TBL1XR1: variants seen among roughly 807,000 people sequenced by gnomAD.
TBL1XR1 encodes the protein TBL1X/Y related 1.
TBL1XR1 carries 5 observed loss-of-function variants against 66.9 expected under a neutral mutation model. That is an observed-to-expected ratio of 0.07 (90% CI 0.04 to 0.16). The LOEUF is 0.16. Ranked by LOEUF, TBL1XR1 falls within the 10% of genes least tolerant of loss-of-function variation. TBL1XR1 has a pLI of 1.00. For synonymous variants in TBL1XR1, 210 were observed against 206.0 expected (o/e 1.02, Z -0.17); for missense variants, 238 against 623.2 (o/e 0.38, Z 6.58).
chr3:177,100,613 C>T (rs200984262), intron 1 of TBL1XR1, among the ~76,000 whole-genome samples: 4 of 152,014 alleles, frequency 2.6e-5, no homozygotes, highest in Middle Eastern at 3.4e-3. Context: ...TTAGTAGAGA[C>T]GGGGTTTCAC....
At position 177,181,045 on chromosome 3, in the gene TBL1XR1, TA is replaced by T. The variant is rs1193427979; in HGVS notation, c.-122+16075del. On this transcript the variant is annotated intron_variant, in intron 1 of 15. Transcript: ENST00000457928. ...CCATGGCACTGGACCCCAGACCCGC[TA>T]TCCTGGATATTTTCATCAGTGAGCT... Among the ~76,000 whole-genome samples the T allele has an allele frequency of 2.6e-5, 4 of 152,154 alleles. No individual in the cohort carries two copies. In the East Asian group the frequency reaches 7.7e-4, roughly 29 times the overall value.
At chr3:177,051,861 A>T (rs2108497885) in intron 4 of TBL1XR1, 135 bp from the exon 5 acceptor site, 1 of 1,137,322 alleles carries the variant, frequency 8.8e-7, no homozygotes, top group Middle Eastern at 2.1e-4. Flanking sequence ...GAATTCATAT[A>T]AGAAGTCCGG....
intron 1 of TBL1XR1, among the ~76,000 whole-genome samples, chr3:177,187,588 G>A (rs927938254): frequency 2.6e-5 from 4 of 152,012 alleles, no homozygotes; most frequent in Non-Finnish European, 4.4e-5. Flanking sequence ...ATACTTGTTT[G>A]CTTAATATTA....
In TBL1XR1 at chr3:177,144,159, C is replaced by T. The variant is rs117583752; in HGVS notation, c.-121-45618G>A. Among the ~76,000 whole-genome samples, 11 of 152,126 alleles carry T rather than the reference C, an allele frequency of 7.2e-5. No homozygotes were observed. The East Asian group carries it at 1.9e-3, about 27-fold the overall frequency. ...ACTCAGGAGGCTGGGGCACGAAAAT[C>T]GCTTGAACCCCGGGAGGCGGAGGTT... On this transcript the variant is annotated intron_variant, in intron 1 of 15. Coordinates refer to ENST00000457928, the MANE Select transcript of TBL1XR1 (RefSeq NM_024665.7).
intron 1 of TBL1XR1, among the ~76,000 whole-genome samples, chr3:177,130,386 AAAAAC>A (rs1397925074): frequency 6.6e-6 from 1 of 152,196 alleles, no homozygotes; most frequent in African/African-American, 2.4e-5. Context: ...CAACAACAAC[AAAAAC>A]AAAACAAGAA....
intron 1 of TBL1XR1, chr3:177,136,173 A>G (rs1728973564): frequency 6.6e-6 from 1 of 152,136 alleles, no homozygotes; most frequent in Admixed American, 6.5e-5. Context: ...CATGAAACTA[A>G]TTTCAGTTTT....
chr3:177,110,491 G>T (rs1014468212), intron 1 of TBL1XR1, among the ~76,000 whole-genome samples: 5 of 151,980 alleles, frequency 3.3e-5, no homozygotes, highest in African/African-American at 4.8e-5. Flanking sequence ...ACCTGGTCTT[G>T]GTTTTGTGGT....
At chr3:177,147,600 C>T (rs776002246) in intron 1 of TBL1XR1, among the ~76,000 whole-genome samples, 3 of 152,212 alleles carry the variant, frequency 2.0e-5, no homozygotes, top group Non-Finnish European at 4.4e-5. Context: ...TGGCTACAGG[C>T]ATCTTCTTCA....
At chr3:177,049,547 C>T (rs1190361799) in intron 7 of TBL1XR1, among the ~76,000 whole-genome samples, 1 of 152,144 alleles carries the variant, frequency 6.6e-6, no homozygotes, top group Non-Finnish European at 1.5e-5. Flanking sequence ...TAATAAAGTT[C>T]TACCAGTTCA....
intron 2 of TBL1XR1, among the ~76,000 whole-genome samples, chr3:177,069,105 A>G (rs1719540055): frequency 6.6e-6 from 1 of 152,196 alleles, no homozygotes; most frequent in African/African-American, 2.4e-5. Flanking sequence ...TCTCTGTGTC[A>G]TCTATAAAAT....
intron 3 of TBL1XR1, among the ~76,000 whole-genome samples, chr3:177,062,924 C>T (rs146915014): frequency 4.6e-5 from 7 of 152,040 alleles, no homozygotes; most frequent in East Asian, 1.9e-4. Context: ...CACCTAAGGT[C>T]GGGAGTTTGG....
chr3:177,110,109 T>A (rs1725376022), intron 1 of TBL1XR1, among the ~76,000 whole-genome samples: 1 of 152,224 alleles, frequency 6.6e-6, no homozygotes, highest in Non-Finnish European at 1.5e-5. Context: ...TCAGGCATTA[T>A]AATTGACATG....
intron 10 of TBL1XR1, among the ~76,000 whole-genome samples, chr3:177,040,236 G>A (rs1395222931): frequency 6.6e-6 from 1 of 152,156 alleles, no homozygotes; most frequent in African/African-American, 2.4e-5. Flanking sequence ...GACTGCTTGA[G>A]CTGGGGAGGC....
At chr3:177,179,744 G>T (rs538843651) in intron 1 of TBL1XR1, among the ~76,000 whole-genome samples, 2 of 152,232 alleles carry the variant, frequency 1.3e-5, no homozygotes, top group East Asian at 1.9e-4. Flanking sequence ...GTTCTCACTT[G>T]TAACAAGTCA....
intron 2 of TBL1XR1, among the ~76,000 whole-genome samples, chr3:177,086,615 T>A (rs1722157113): frequency 6.6e-6 from 1 of 151,458 alleles, no homozygotes; most frequent in African/African-American, 2.4e-5. Context: ...GAGCCCACAA[T>A]TTTTTTTTAA....
chr3:177,109,012 A>T (rs1725230074), intron 1 of TBL1XR1, among the ~76,000 whole-genome samples: 1 of 152,220 alleles, frequency 6.6e-6, no homozygotes, highest in Non-Finnish European at 1.5e-5. Context: ...TCTGGATACC[A>T]AAAATCACTT....
chr3:177,031,692 G>A (rs1380871903), intron 14 of TBL1XR1, among the ~76,000 whole-genome samples: 3 of 149,212 alleles, frequency 2.0e-5, no homozygotes, highest in Non-Finnish European at 4.5e-5. Context: ...TTGGGAGGCT[G>A]AGGTGGGAGG....
intron 1 of TBL1XR1, among the ~76,000 whole-genome samples, chr3:177,159,571 CTTCT>C (rs1221377836): frequency 2.0e-5 from 3 of 152,166 alleles, no homozygotes; most frequent in African/African-American, 4.8e-5. Context: ...TCCATTCTCT[CTTCT>C]TTCTTAAAAT....
chr3:177,198,865 GACACACACACACACACACACAC>G (rs57636923), upstream of TBL1XR1, among the ~76,000 whole-genome samples: 14 of 148,088 alleles, frequency 9.5e-5, no homozygotes, highest in Non-Finnish European at 1.3e-4. Flanking sequence ...GAAGTTTTGC[GACACACACACACACACACACAC>G]ACACACACAC....
Sources: allele counts gnomAD v4.1 joint callset (sites outside exome capture counted in the v4.1 genomes callset), GRCh38; gene constraint gnomAD v4.1.1; transcripts MANE v1.5; gene names NCBI Gene and HGNC (gene_info 2026-07-23, HGNC 2026-07-21).